ANKS1B: variants seen among roughly 807,000 people sequenced by gnomAD.
The protein encoded by ANKS1B is ankyrin repeat and sterile alpha motif domain containing 1B.
In ANKS1B, 36 loss-of-function variants were observed where a neutral mutation model predicts 148.3. That is an observed-to-expected ratio of 0.24 (90% confidence interval 0.19 to 0.32). The LOEUF (loss-of-function observed/expected upper bound fraction) is 0.32. Among genes scored for constraint, ANKS1B ranks in the 10% least tolerant of loss-of-function variants. The pLI is 1.00. For synonymous variants in ANKS1B, 542 were observed against 560.8 expected, an observed-to-expected ratio of 0.97 and a Z score of 0.47; for missense variants, 1,157 against 1,542.6, an observed-to-expected ratio of 0.75 and a Z score of 4.19.
At chr12:99,162,275 A>G (rs1038721170) in intron 14 of ANKS1B, among the ~76,000 whole-genome samples, 1 of 152,156 alleles carries the variant, frequency 6.6e-6, no homozygotes, top group Non-Finnish European at 1.5e-5. Context: ...CTGTGACTAC[A>G]CTAAAAACAA....
chr12:99,276,159 G>A (rs1173227635), intron 12 of ANKS1B, among the ~76,000 whole-genome samples: 1 of 152,244 alleles, frequency 6.6e-6, no homozygotes, highest in South Asian at 2.1e-4. Context: ...AAAGGATGAG[G>A]TTTATTACTT....
downstream of ANKS1B, among the ~76,000 whole-genome samples, chr12:98,741,770 T>C (rs985053119): frequency 6.6e-6 from 1 of 152,228 alleles, no homozygotes; most frequent in Non-Finnish European, 1.5e-5. Flanking sequence ...CAACTCAGCA[T>C]GCACTTTTGA....
chr12:99,602,343 T>A (rs1182882762), intron 9 of ANKS1B, among the ~76,000 whole-genome samples: 2 of 151,906 alleles, frequency 1.3e-5, no homozygotes, highest in Non-Finnish European at 2.9e-5. Context: ...TTTGAGGAGG[T>A]GGTATTGCAG....
chr12:99,599,706 T>C (rs1266654883), intron 9 of ANKS1B, among the ~76,000 whole-genome samples: 1 of 151,834 alleles, frequency 6.6e-6, no homozygotes, highest in East Asian at 1.9e-4. Flanking sequence ...GGGTGGATAG[T>C]GGGGATAACT....
At chr12:99,873,546 A>G (rs1426808833) in intron 1 of ANKS1B, among the ~76,000 whole-genome samples, 1 of 152,156 alleles carries the variant, frequency 6.6e-6, no homozygotes, top group Non-Finnish European at 1.5e-5. Flanking sequence ...TCAAATATTT[A>G]AAGATAGCCG....
chr12:99,966,636 C>T (rs529358903), intron 1 of ANKS1B, among the ~76,000 whole-genome samples: 20 of 152,160 alleles, frequency 1.3e-4, no homozygotes, highest in African/African-American at 4.6e-4. Flanking sequence ...TTGTAAGGGC[C>T]TAGAGAGAAG....
At chr12:99,565,855 A>G (rs1396452811) in intron 9 of ANKS1B, among the ~76,000 whole-genome samples, 2 of 152,170 alleles carry the variant, frequency 1.3e-5, no homozygotes, top group African/African-American at 4.8e-5. Context: ...AAGAAAAGCC[A>G]CATCCACAGA....
At chr12:98,907,967 G>T (rs961830713) in intron 17 of ANKS1B, among the ~76,000 whole-genome samples, 7 of 152,180 alleles carry the variant, frequency 4.6e-5, no homozygotes, top group African/African-American at 1.7e-4. Context: ...GGAACTGTGA[G>T]TCCATTAAAC....
chr12:99,829,574 C>G (rs1208773984), intron 1 of ANKS1B, among the ~76,000 whole-genome samples: 2 of 152,158 alleles, frequency 1.3e-5, no homozygotes. Context: ...TGGTGTGAAC[C>G]TGGGAGGCGG....
intron 9 of ANKS1B, among the ~76,000 whole-genome samples, chr12:99,612,569 C>G (rs1180562174): frequency 2.6e-5 from 4 of 152,062 alleles, no homozygotes; most frequent in Admixed American, 1.3e-4. Flanking sequence ...AATGTCTGAG[C>G]CTTACTAAAT....
At chr12:99,761,065 CAAA>C (rs60542272) in intron 8 of ANKS1B, among the ~76,000 whole-genome samples, 2 of 98,692 alleles carry the variant, frequency 2.0e-5, no homozygotes, top group Non-Finnish European at 3.9e-5. Context: ...GCCTAACAAC[CAAA>C]AAAAAAAAAA....
chr12:99,655,399 A>G (rs1023816684), intron 8 of ANKS1B, among the ~76,000 whole-genome samples, 189 bp from the exon 9 acceptor site: 2 of 152,174 alleles, frequency 1.3e-5, no homozygotes, highest in Admixed American at 1.3e-4. Context: ...GTTAAAAGTG[A>G]AAAAAACTAG....
At chr12:98,876,657 A>C (rs2099691320) in intron 17 of ANKS1B, among the ~76,000 whole-genome samples, 1 of 152,222 alleles carries the variant, frequency 6.6e-6, no homozygotes. Flanking sequence ...TAAAGTGGTT[A>C]TCTTTGGGTT....
intron 9 of ANKS1B, among the ~76,000 whole-genome samples, chr12:99,526,980 T>C (rs540394337): frequency 6.6e-6 from 1 of 152,172 alleles, no homozygotes; most frequent in African/African-American, 2.4e-5. Context: ...TATAACATCA[T>C]ATGAAGATTG....
At chr12:99,062,255 G>A (rs532566856) in intron 16 of ANKS1B, among the ~76,000 whole-genome samples, 32 of 152,260 alleles carry the variant, frequency 2.1e-4, no homozygotes, top group South Asian at 1.0e-3. Context: ...ATCGCTGAGC[G>A]TTGCCATATG....
chr12:99,329,363 G>A (rs2087058004), intron 12 of ANKS1B, among the ~76,000 whole-genome samples: 1 of 151,780 alleles, frequency 6.6e-6, no homozygotes, highest in Admixed American at 6.6e-5. Flanking sequence ...TGTACATTTT[G>A]ATTATGATTT....
chr12:99,203,828 C>G (rs1056063227), intron 14 of ANKS1B, among the ~76,000 whole-genome samples: 5 of 152,154 alleles, frequency 3.3e-5, no homozygotes, highest in African/African-American at 1.2e-4. Context: ...AGTAAAATGT[C>G]TGGGCATTTG....
intron 17 of ANKS1B, among the ~76,000 whole-genome samples, chr12:98,860,167 A>C (rs1363804089): frequency 6.6e-6 from 1 of 152,256 alleles, no homozygotes; most frequent in African/African-American, 2.4e-5. Context: ...ATGTTTTCAA[A>C]GACCTGAATA....
intron 25 of ANKS1B, among the ~76,000 whole-genome samples, chr12:98,766,304 A>G (rs184165040): frequency 1.1e-3 from 166 of 152,238 alleles, no homozygotes; most frequent in African/African-American, 3.7e-3. Flanking sequence ...GTGTAGAAGG[A>G]CCATTGGAAT....
Sources: allele counts gnomAD v4.1 joint callset (sites outside exome capture counted in the v4.1 genomes callset), GRCh38; gene constraint gnomAD v4.1.1; transcripts MANE v1.5; gene names NCBI Gene and HGNC (gene_info 2026-07-23, HGNC 2026-07-21).